KCNMB2: variants seen among roughly 807,000 people sequenced by gnomAD.
KCNMB2 encodes calcium-activated potassium channel subunit beta-2.
KCNMB2 carries 9 observed loss-of-function variants against 24.5 expected under a neutral mutation model. The observed-to-expected ratio is 0.37, with a 90% confidence interval of 0.22 to 0.64. The LOEUF is 0.64. KCNMB2 is among the 30% of genes least tolerant of loss of function. The probability of loss-of-function intolerance (pLI) is 0.63; values close to 1 mark genes in which losing one functional copy is unlikely to be tolerated. For missense variants in KCNMB2, 226 were observed against 284.3 expected (o/e 0.79, Z 1.47); for synonymous variants, 109 against 104.4 (o/e 1.04, Z -0.27).
At chr3:178,633,532 A>G (rs1719402887) in intron 1 of KCNMB2, among the ~76,000 whole-genome samples, 1 of 152,174 alleles carries the variant, frequency 6.6e-6, no homozygotes, top group Admixed American at 6.5e-5. Context: ...CTTGTAGCCA[A>G]GGCTGGAGGG....
At chr3:178,790,145 G>C (rs1170033523) in intron 1 of KCNMB2, among the ~76,000 whole-genome samples, 1 of 152,004 alleles carries the variant, frequency 6.6e-6, no homozygotes, top group African/African-American at 2.4e-5. Flanking sequence ...GACATTTCTA[G>C]ATACACTGTG....
At chr3:178,757,205 A>T (rs1035451742) in intron 1 of KCNMB2, 1 of 148,232 alleles carries the variant, frequency 6.7e-6, no homozygotes, top group African/African-American at 2.5e-5. Flanking sequence ...AAACAGTTAC[A>T]ATCAAAAATT....
At chr3:178,630,404 A>G (rs956518693) in intron 1 of KCNMB2, among the ~76,000 whole-genome samples, 1 of 152,252 alleles carries the variant, frequency 6.6e-6, no homozygotes, top group Non-Finnish European at 1.5e-5. Flanking sequence ...GCTGTTCCAC[A>G]TAAGAATTTT....
Position 178,662,855 on chromosome 3 carries a change from T to C in KCNMB2, c.-68+126144T>C, listed in dbSNP as rs114855283. Among the ~76,000 whole-genome samples the C allele has an allele frequency of 5.7e-3, 867 of 152,208 alleles. 10 individuals are homozygous for C. Among genetic ancestry groups the C allele is most frequent in the African/African-American group, 0.02 (842 of 41,538 alleles). ...CCCCAAATTACTAAAATTATCCCCA[T>C]TTGCACGTGATAAAACAGGCCTAAG... On this transcript the variant is annotated intron_variant, in intron 1 of 4. Transcript: ENST00000452583.
Position 178,794,565 on chromosome 3 carries a change from G to T in KCNMB2, c.-67-12778G>T, listed in dbSNP as rs192313000. ...AGGCAGATCCATCCAAGTCTGGAAT[G>T]AAGTAATACCATTCCACAGGTATAG... On this transcript the variant is annotated intron_variant, in intron 1 of 4. Coordinates refer to ENST00000452583, the MANE Select transcript of KCNMB2 (RefSeq NM_181361.3). Among the ~76,000 whole-genome samples the T allele has an allele frequency of 1.9e-3, 294 of 152,352 alleles. 3 individuals are homozygous for T. The highest frequency in any genetic ancestry group is 6.6e-3 in the African/African-American group (275 of 41,584).
chr3:178,811,872 G>A (rs910671368), intron 2 of KCNMB2, among the ~76,000 whole-genome samples: 1 of 152,132 alleles, frequency 6.6e-6, no homozygotes, highest in African/African-American at 2.4e-5. Flanking sequence ...GTAATCAAGA[G>A]GGTATTATTA....
chr3:178,812,987 C>T (rs1273390716), intron 2 of KCNMB2, among the ~76,000 whole-genome samples: 3 of 152,006 alleles, frequency 2.0e-5, no homozygotes, highest in Non-Finnish European at 4.4e-5. Flanking sequence ...TCACACCTAT[C>T]GCACTTCCCA....
intron 1 of KCNMB2, among the ~76,000 whole-genome samples, chr3:178,684,165 A>G (rs1032400113): frequency 6.6e-6 from 1 of 152,160 alleles, no homozygotes; most frequent in Non-Finnish European, 1.5e-5. Flanking sequence ...AAACTTATTT[A>G]TTCCTAAAAA....
intron 1 of KCNMB2, among the ~76,000 whole-genome samples, chr3:178,569,926 A>G (rs1242980483): frequency 1.3e-5 from 2 of 152,208 alleles, no homozygotes; most frequent in Non-Finnish European, 2.9e-5. Context: ...AAGGGGCTGA[A>G]GATGAAATTT....
intron 1 of KCNMB2, among the ~76,000 whole-genome samples, chr3:178,659,303 G>A (rs1472000782): frequency 1.3e-5 from 2 of 152,182 alleles, no homozygotes; most frequent in African/African-American, 2.4e-5. Context: ...AAACATTTGT[G>A]AAGAACAAAT....
intron 1 of KCNMB2, among the ~76,000 whole-genome samples, chr3:178,550,183 G>A (rs1715901507): frequency 6.6e-6 from 1 of 151,948 alleles, no homozygotes; most frequent in Non-Finnish European, 1.5e-5. Flanking sequence ...AGGCACAGTG[G>A]CTCACGCCTG....
chr3:178,766,155 AAG>A (rs1712110217), intron 1 of KCNMB2, among the ~76,000 whole-genome samples: 1 of 152,100 alleles, frequency 6.6e-6, no homozygotes, highest in African/African-American at 2.4e-5. Flanking sequence ...CCAGAAGAAA[AAG>A]AGATATACCC....
intron 1 of KCNMB2, among the ~76,000 whole-genome samples, chr3:178,738,591 A>G (rs1723391411): frequency 1.3e-5 from 2 of 152,056 alleles, no homozygotes; most frequent in Non-Finnish European, 2.9e-5. Flanking sequence ...GGTCCTTTGA[A>G]TATCTTCTTT....
chr3:178,645,460 A>G lies in KCNMB2; in HGVS notation c.-68+108749A>G, dbSNP rs979982209. Among the ~76,000 whole-genome samples the G allele has an allele frequency of 3.3e-5, 5 of 152,270 alleles. No individual in the cohort carries two copies. The Middle Eastern group carries it at 0.01, about 311-fold the overall frequency. ...TGCCATTCATTTCTTTGGCAGGGGA[A>G]ATAAACATCTGTAAGGGGGATGCAA... On this transcript the variant is annotated intron_variant, in intron 1 of 4. Coordinates refer to ENST00000452583, the MANE Select transcript of KCNMB2 (RefSeq NM_181361.3).
chr3:178,601,187 C>T (rs902678184), intron 1 of KCNMB2, among the ~76,000 whole-genome samples: 70 of 143,474 alleles, frequency 4.9e-4, no homozygotes, highest in African/African-American at 1.8e-3. Flanking sequence ...CATATGGGGG[C>T]CTGTCAGGGG....
At chr3:178,672,595 G>A (rs908654185) in intron 1 of KCNMB2, among the ~76,000 whole-genome samples, 1 of 152,182 alleles carries the variant, frequency 6.6e-6, no homozygotes, top group Admixed American at 6.5e-5. Context: ...ATGCAGCGGA[G>A]AGGCACCGAA....
At chr3:178,642,006 T>G (rs1346796379) in intron 1 of KCNMB2, among the ~76,000 whole-genome samples, 2 of 152,200 alleles carry the variant, frequency 1.3e-5, no homozygotes, top group African/African-American at 4.8e-5. Context: ...GAGATTTTTA[T>G]AAGACTTACT....
chr3:178,617,215 ATAT>A (rs1228433415), intron 1 of KCNMB2, among the ~76,000 whole-genome samples: 1 of 152,140 alleles, frequency 6.6e-6, no homozygotes, highest in Non-Finnish European at 1.5e-5. Flanking sequence ...TTGTTTTAAA[ATAT>A]TATTATTATT....
intron 1 of KCNMB2, among the ~76,000 whole-genome samples, chr3:178,685,366 C>G (rs896476917): frequency 6.6e-6 from 1 of 152,188 alleles, no homozygotes; most frequent in East Asian, 1.9e-4. Context: ...CTTGAGAATG[C>G]CTTTTGATAG....
Sources: gnomAD v4.1 joint callset for allele counts (sites outside exome capture counted in the v4.1 genomes callset) on GRCh38, gnomAD v4.1.1 for gene constraint, MANE v1.5 for transcripts, NCBI Gene and HGNC (gene_info 2026-07-23, HGNC 2026-07-21) for gene names.